The following DCP1B variants were observed in gnomAD, a reference collection of about 807,000 sequenced individuals.
The protein encoded by DCP1B is decapping mRNA 1B.
DCP1B carries 47 observed loss-of-function variants against 60.5 expected under a neutral mutation model. The observed-to-expected ratio is 0.78, with a 90% CI of 0.61 to 0.99. The LOEUF is 0.99. DCP1B is among the 50% of genes least tolerant of loss of function. The pLI is 0.00. For synonymous variants in DCP1B, 267 were observed against 280.3 expected (o/e 0.95, Z 0.47); for missense variants, 725 against 756.8 (o/e 0.96, Z 0.49).
In DCP1B at chr12:1,999,112, T is replaced by G. The variant is rs183353499; in HGVS notation, c.151-1137A>C. Among the ~76,000 whole-genome samples, 837 of 152,322 alleles carry G rather than the reference T, an allele frequency of 5.5e-3. 5 individuals are homozygous for G. The highest frequency in any genetic ancestry group is 0.018 in the African/African-American group (769 of 41,574). ...GCGTCACCTGGGAACTTATTAGAAA[T>G]GCAAGCTCTTGGGCTCCTGCCCAAA... On this transcript the variant is annotated intron_variant, in intron 1 of 8. Transcript: ENST00000280665.
In DCP1B at chr12:1,996,641, A is replaced by C. The variant is rs866386407; in HGVS notation, c.191+1294T>G. The stretch of plus-strand genomic sequence containing the variant: ...TAAAAAAAAAAAAAAAAAAAAAAAA[A>C]AAAAAAAAAAAAAACAACAAACTCT... On this transcript the variant is annotated intron_variant, in intron 2 of 8. Transcript: ENST00000280665. Among the ~76,000 whole-genome samples the C allele has an allele frequency of 1.6e-3, 160 of 98,542 alleles. 4 individuals carry two copies. The highest frequency in any genetic ancestry group is 4.9e-3 in the African/African-American group (132 of 26,904). 64.6% of individuals were successfully genotyped at this position (98,542 alleles called of 152,430 possible).
At chr12:2,004,179 G>T in intron 1 of DCP1B, 103 bp downstream of exon 1, 1 of 1,512,324 alleles carries the variant, frequency 6.6e-7, no homozygotes, top group South Asian at 1.2e-5. Flanking sequence ...CTTCCAGGGC[G>T]TCAACGTCTC....
chr12:1,996,988 G>A (rs868493805), intron 2 of DCP1B, among the ~76,000 whole-genome samples: 2 of 152,166 alleles, frequency 1.3e-5, no homozygotes, highest in African/African-American at 4.8e-5. Context: ...TGAAGGTGAT[G>A]ACCTTTGGCT....
Position 1,985,722 on chromosome 12 carries a change from A to T in DCP1B, c.319+7542T>A, listed in dbSNP as rs1229003268. Among the ~76,000 whole-genome samples, 4 of 152,342 alleles carry T rather than the reference A, an allele frequency of 2.6e-5. No individual in the cohort carries two copies. In the East Asian group the frequency reaches 7.7e-4, roughly 29 times the overall value. ...ACCCTCCAGAGAATGTTCACTTTGT[A>T]TATTTGAGAAAGCAATCAATTCAGT... On this transcript the variant is annotated intron_variant, in intron 3 of 8. Transcript: ENST00000280665.
chr12:1,942,954 A>T (rs1206501719), downstream of DCP1B, among the ~76,000 whole-genome samples: 1 of 152,246 alleles, frequency 6.6e-6, no homozygotes, highest in Non-Finnish European at 1.5e-5. Context: ...ATCAGAGCAG[A>T]ACTGAAGGAG....
Position 1,947,563 on chromosome 12 carries a change from TAG to T in DCP1B, c.1774-1279_1774-1278del, listed in dbSNP as rs148386752. ...GCCATGTTCAGCCACTACTCTGGAG[TAG>T]AGTCTCAAGACAATGTGAAGGGAAT... is the stretch of plus-strand genomic sequence containing the variant. On this transcript the variant is annotated intron_variant, in intron 8 of 8. Coordinates refer to ENST00000280665, the MANE Select transcript of DCP1B (RefSeq NM_152640.5). Among the ~76,000 whole-genome samples the T allele has an allele frequency of 3.2e-3, 494 of 152,188 alleles. 5 individuals are homozygous for T. Among genetic ancestry groups the T allele is most frequent in the African/African-American group, 0.011 (469 of 41,522 alleles).
intron 3 of DCP1B, among the ~76,000 whole-genome samples, chr12:1,980,092 C>T (rs144081364): frequency 6.6e-6 from 1 of 152,244 alleles, no homozygotes; most frequent in African/African-American, 2.4e-5. Flanking sequence ...TACACTATGT[C>T]CCCATCAATT....
rs372554124 is a variant in DCP1B, at chr12:1,952,507, G to A, written c.1433C>T (p.Pro478Leu). The part of the protein sequence containing the change: ...SNRPALAAKF[P>L]VLAQSSGTGK... ...TGTTCCAGAGCTCTGAGCGAGCACA[G>A]GAAACTTAGCGGCCAAGGCTGGCCG... The change falls in exon 7 of 9, where the codon CCT (proline) becomes CTT (leucine). Residue 478 changes from proline to leucine, a missense_variant. Coordinates refer to ENST00000280665, the MANE Select transcript of DCP1B (RefSeq NM_152640.5). 1.2e-6 allele frequency: 2 copies of A among 1,614,192 alleles called. No homozygotes were observed. The highest frequency in any genetic ancestry group is 1.7e-6 in the Non-Finnish European group (2 of 1,180,022).
intron 1 of DCP1B, among the ~76,000 whole-genome samples, chr12:1,999,901 CCCTGT>C (rs950091654): frequency 4.6e-4 from 70 of 152,160 alleles, no homozygotes; most frequent in African/African-American, 1.6e-3. Context: ...GCTCGTTTGC[CCCTGT>C]ACTTTGAAAA....
chr12:2,001,518 G>A (rs754774436), intron 1 of DCP1B, among the ~76,000 whole-genome samples: 3 of 152,152 alleles, frequency 2.0e-5, no homozygotes, highest in Non-Finnish European at 4.4e-5. Context: ...CACACTGTCT[G>A]ACACAAACTA....
chr12:1,953,846 C>T (rs1440799728), intron 6 of DCP1B, among the ~76,000 whole-genome samples: 2 of 152,324 alleles, frequency 1.3e-5, no homozygotes, highest in African/African-American at 2.4e-5. Flanking sequence ...AAAGCTACTT[C>T]CTTCTTGCTC....
intron 3 of DCP1B, among the ~76,000 whole-genome samples, chr12:1,986,731 G>A (rs528421463): frequency 2.6e-4 from 39 of 152,238 alleles, no homozygotes; most frequent in African/African-American, 9.4e-4. Flanking sequence ...TGATAAAAGA[G>A]GAAAGAATAA....
At chr12:1,952,307 G>A (rs959891418) in intron 7 of DCP1B, 109 bp downstream of exon 7, 3 of 1,315,694 alleles carry the variant, frequency 2.3e-6, no homozygotes, top group Non-Finnish European at 3.0e-6. Flanking sequence ...CTCAGTAGCT[G>A]GTGCTATAGG....
intron 3 of DCP1B, among the ~76,000 whole-genome samples, chr12:1,984,312 C>CCT (rs1312972046): frequency 6.6e-6 from 1 of 150,964 alleles, no homozygotes; most frequent in Non-Finnish European, 1.5e-5. Flanking sequence ...CTCCTGTTAC[C>CCT]CTCTTTCTTG....
intron 3 of DCP1B, chr12:1,991,132 A>C: frequency 2.2e-6 from 1 of 456,240 alleles, no homozygotes; most frequent in South Asian, 1.5e-5. Context: ...TTTAATTTGC[A>C]TCCATGTTTA....
Position 1,950,398 on chromosome 12 carries a change from T to C in DCP1B, c.1525-1064A>G. ...GAGTACTGAAAAGTCAAGGGAGTTG[T>C]ACATCAGAAATTTAAGTCAGACTAT... On this transcript the variant is annotated intron_variant, in intron 7 of 8. Coordinates refer to ENST00000280665, the MANE Select transcript of DCP1B (RefSeq NM_152640.5). The C allele has an allele frequency of 4.3e-6, 3 of 702,412 alleles. No homozygotes were observed. In the South Asian group the frequency reaches 4.4e-5, roughly 10 times the overall value. 43.5% of individuals were successfully genotyped at this position (702,412 alleles called of 1,614,324 possible).
At chr12:1,951,536 CTG>C (rs1052468220) in intron 7 of DCP1B, among the ~76,000 whole-genome samples, 1 of 152,260 alleles carries the variant, frequency 6.6e-6, no homozygotes, top group African/African-American at 2.4e-5. Context: ...TTTCTAAAAA[CTG>C]TCATATTTTC....
intron 3 of DCP1B, among the ~76,000 whole-genome samples, chr12:1,987,815 T>C (rs539179003): frequency 6.6e-6 from 1 of 152,348 alleles, no homozygotes; most frequent in South Asian, 2.1e-4. Context: ...TGGTGTACTA[T>C]GATTACATTT....
At chr12:1,959,298 C>T (rs1208882904) in intron 5 of DCP1B, among the ~76,000 whole-genome samples, 1 of 152,194 alleles carries the variant, frequency 6.6e-6, no homozygotes, top group Non-Finnish European at 1.5e-5. Flanking sequence ...AAGAGATGAC[C>T]TATGGAGTGG....
Sources: allele counts gnomAD v4.1 joint callset (sites outside exome capture counted in the v4.1 genomes callset), GRCh38; gene constraint gnomAD v4.1.1; transcripts MANE v1.5; gene names NCBI Gene and HGNC (gene_info 2026-07-23, HGNC 2026-07-21).